ADAMTS19: variants seen among roughly 807,000 people sequenced by gnomAD.
The protein encoded by ADAMTS19 is A disintegrin and metalloproteinase with thrombospondin motifs 19.
ADAMTS19 carries 93 observed loss-of-function variants against 153.3 expected under a neutral mutation model. The ratio of observed to expected loss-of-function variants is 0.61; its 90% CI spans 0.51 to 0.72. The LOEUF is 0.72. Among genes scored for constraint, ADAMTS19 ranks in the 30% least tolerant of loss-of-function variants. The probability of loss-of-function intolerance (pLI) is 0.00; values close to 1 mark genes in which losing one functional copy is unlikely to be tolerated. For synonymous variants in ADAMTS19, 600 were observed against 556.6 expected (o/e 1.08, Z -1.10); for missense variants, 1,482 against 1,552.1 (o/e 0.95, Z 0.76).
At chr5:129,472,428 T>G (rs2126653589) in intron 2 of ADAMTS19, among the ~76,000 whole-genome samples, 1 of 152,322 alleles carries the variant, frequency 6.6e-6, no homozygotes, top group South Asian at 2.1e-4. Flanking sequence ...GTTCCAGTAA[T>G]GGTAAAATTA....
At chr5:129,721,494 T>C (rs1757003291) in intron 21 of ADAMTS19, among the ~76,000 whole-genome samples, 1 of 152,240 alleles carries the variant, frequency 6.6e-6, no homozygotes, top group Non-Finnish European at 1.5e-5. Flanking sequence ...ACTGGAGCTA[T>C]GACATCTGTA....
intron 8 of ADAMTS19, among the ~76,000 whole-genome samples, chr5:129,608,350 A>G (rs1751030192): frequency 6.6e-6 from 1 of 151,572 alleles, no homozygotes; most frequent in African/African-American, 2.4e-5. Flanking sequence ...GGATGAGGGG[A>G]ATGGGGAGAT....
At chr5:129,575,980 T>C (rs1754083610) in intron 7 of ADAMTS19, among the ~76,000 whole-genome samples, 1 of 149,740 alleles carries the variant, frequency 6.7e-6, no homozygotes, top group South Asian at 2.1e-4. Context: ...AAAAGCTAGC[T>C]GCAGACATAA....
At position 129,622,208 on chromosome 5, in the gene ADAMTS19, A is replaced by G. The variant is rs777631541; in HGVS notation, c.1630A>G (p.Ser544Gly). 8.1e-6 allele frequency: 13 copies of G among 1,614,116 alleles called. No individual in the cohort carries two copies. Among genetic ancestry groups the G allele is most frequent in the Non-Finnish European group, 1.1e-5 (13 of 1,179,972 alleles). The change falls in exon 10 of 23, where the codon AGT becomes GGT. Residue 544 changes from serine to glycine, a missense_variant. Physicochemically the swap from Ser to Gly is moderately conservative, Grantham distance 56. Coordinates refer to ENST00000274487, the MANE Select transcript of ADAMTS19 (RefSeq NM_133638.6). ...DLERFLRSKA[S>G]NCLLQTNPQS... ...CCTGCCTATTGCCAGGTCAAAGGCC[A>G]GTAACTGCTTGCTACAAACAAATCC...
At chr5:129,579,720 A>C (rs1402875192) in intron 7 of ADAMTS19, among the ~76,000 whole-genome samples, 1 of 152,080 alleles carries the variant, frequency 6.6e-6, no homozygotes, top group Non-Finnish European at 1.5e-5. Flanking sequence ...TGTTTTTGTC[A>C]GGTTTGTCAA....
At chr5:129,627,899 TAAAAAA>T (rs143333219) in intron 10 of ADAMTS19, among the ~76,000 whole-genome samples, 2 of 147,142 alleles carry the variant, frequency 1.4e-5, no homozygotes, top group East Asian at 2.0e-4. Context: ...CTCAAAGAGC[TAAAAAA>T]AAAACTACCC....
intron 13 of ADAMTS19, 36 bp downstream of exon 13, chr5:129,649,006 T>C (rs377644276): frequency 1.3e-4 from 197 of 1,513,098 alleles, no homozygotes; most frequent in Non-Finnish European, 1.6e-4. Context: ...CTTTGTTAAC[T>C]AGATTTCTAG....
chr5:129,732,551 C>T (rs918587777), intron 21 of ADAMTS19, among the ~76,000 whole-genome samples: 19 of 151,966 alleles, frequency 1.3e-4, no homozygotes, highest in Non-Finnish European at 1.9e-4. Flanking sequence ...ATCAAGAAGA[C>T]GGTCCCATTT....
intron 17 of ADAMTS19, 47 bp downstream of exon 17, chr5:129,679,968 C>T: frequency 6.5e-7 from 1 of 1,548,608 alleles, no homozygotes; most frequent in Non-Finnish European, 8.8e-7. Context: ...CTTCTCATGG[C>T]AAGGAATATT....
chr5:129,628,594 G>A (rs1476015430), intron 10 of ADAMTS19, among the ~76,000 whole-genome samples: 1 of 152,058 alleles, frequency 6.6e-6, no homozygotes, highest in Admixed American at 6.6e-5. Context: ...TATATAAGGT[G>A]TCAGGAAGTA....
intron 6 of ADAMTS19, among the ~76,000 whole-genome samples, chr5:129,537,243 T>C (rs1230000799): frequency 6.6e-6 from 1 of 152,022 alleles, no homozygotes. Flanking sequence ...CTCACACCAG[T>C]TAGAATGGCA....
At chr5:129,726,738 C>T (rs1369551633) in intron 21 of ADAMTS19, among the ~76,000 whole-genome samples, 1 of 152,036 alleles carries the variant, frequency 6.6e-6, no homozygotes, top group Non-Finnish European at 1.5e-5. Flanking sequence ...TTTGTCTGTC[C>T]TTATGGGGCA....
chr5:129,671,244 A>T (rs1561640260), intron 16 of ADAMTS19, among the ~76,000 whole-genome samples: 1 of 152,202 alleles, frequency 6.6e-6, no homozygotes, highest in Non-Finnish European at 1.5e-5. Flanking sequence ...TTCCAGAGAC[A>T]TTGAAGAAGT....
Position 129,641,989 on chromosome 5 carries a change from T to C in ADAMTS19, c.1872+29T>C, listed in dbSNP as rs368185431. ...AGTCATTTGTGTTGTCTGAATTTAA[T>C]GAGCATACTAGATGAAACTTGAGAA... On this transcript the variant is annotated intron_variant, in intron 11 of 22. Coordinates refer to ENST00000274487, the MANE Select transcript of ADAMTS19 (RefSeq NM_133638.6). 1.9e-4 allele frequency: 268 copies of C among 1,403,774 alleles called. 1 individual carries two copies. In the African/African-American group the frequency reaches 3.6e-3, roughly 19 times the overall value. 87.0% of individuals were successfully genotyped at this position (1,403,774 alleles called of 1,614,324 possible). A position where few individuals can be genotyped will look rare whatever the true frequency, so the allele number is the denominator to read the frequency against.
intron 3 of ADAMTS19, among the ~76,000 whole-genome samples, chr5:129,522,318 C>G (rs112236220): frequency 2.2e-5 from 2 of 90,684 alleles, no homozygotes; most frequent in Admixed American, 1.2e-4. Context: ...TATATATATA[C>G]ACACACACAC....
chr5:129,610,409 G>T (rs1318455647), intron 8 of ADAMTS19, among the ~76,000 whole-genome samples: 4 of 151,926 alleles, frequency 2.6e-5, no homozygotes, highest in Admixed American at 6.6e-5. Flanking sequence ...CAGTTACATT[G>T]GGTATATCTC....
At chr5:129,543,030 TGTTGTTGTTGTTGTTTTG>T (rs1561561519) in intron 6 of ADAMTS19, among the ~76,000 whole-genome samples, 1 of 148,588 alleles carries the variant, frequency 6.7e-6, no homozygotes, top group Non-Finnish European at 1.5e-5. Flanking sequence ...TGTTTTTTTT[TGTTGTTGTTGTTGTTTTG>T]TTTTTTTTTT....
intron 18 of ADAMTS19, among the ~76,000 whole-genome samples, chr5:129,684,636 A>G (rs981464657): frequency 9.2e-5 from 14 of 152,200 alleles, no homozygotes; most frequent in African/African-American, 3.4e-4. Flanking sequence ...TGAAATCTTA[A>G]AAGTTCTAAA....
intron 11 of ADAMTS19, among the ~76,000 whole-genome samples, chr5:129,643,367 CAAAAAA>C (rs556007087): frequency 5.7e-4 from 23 of 40,362 alleles, no homozygotes; most frequent in African/African-American, 1.7e-3. Context: ...GTTTCAAAGA[CAAAAAA>C]AAAAAAAAAA....
Sources: allele counts gnomAD v4.1 joint callset (sites outside exome capture counted in the v4.1 genomes callset), GRCh38; gene constraint gnomAD v4.1.1; transcripts MANE v1.5; gene names NCBI Gene and HGNC (gene_info 2026-07-23, HGNC 2026-07-21).